EGLN1: variants seen among roughly 807,000 people sequenced by gnomAD.
EGLN1 encodes the protein egl-9 family hypoxia inducible factor 1.
In EGLN1, 17 loss-of-function variants were observed where a neutral mutation model predicts 38.3. The observed-to-expected ratio is 0.44, with a 90% confidence interval of 0.30 to 0.67. The LOEUF is 0.67. EGLN1 is among the 30% of genes least tolerant of loss of function. The pLI is 0.08. For missense variants in EGLN1, 477 were observed against 603.3 expected (o/e 0.79, Z 2.19); for synonymous variants, 283 against 257.5 (o/e 1.10, Z -0.95).
chr1:231,378,698 A>G (rs1688013814), intron 1 of EGLN1, among the ~76,000 whole-genome samples: 1 of 152,232 alleles, frequency 6.6e-6, no homozygotes, highest in Non-Finnish European at 1.5e-5. Flanking sequence ...ATCTAGAGAC[A>G]TTTATTTCTA....
At chr1:231,414,031 T>C (rs1320787670) in intron 1 of EGLN1, among the ~76,000 whole-genome samples, 1 of 152,188 alleles carries the variant, frequency 6.6e-6, no homozygotes. Flanking sequence ...AAATAAACTG[T>C]TGTAAGAGAA....
intron 1 of EGLN1, among the ~76,000 whole-genome samples, chr1:231,407,302 T>G (rs561719067): frequency 6.6e-6 from 1 of 152,268 alleles, no homozygotes; most frequent in East Asian, 1.9e-4. Flanking sequence ...GGTTTTCTCA[T>G]CATAAAAGAA....
At chr1:231,410,905 G>T (rs1287462619) in intron 1 of EGLN1, among the ~76,000 whole-genome samples, 1 of 151,754 alleles carries the variant, frequency 6.6e-6, no homozygotes, top group Non-Finnish European at 1.5e-5. Context: ...AATTTTCAAG[G>T]CATCCATTTC....
At chr1:231,411,958 A>C (rs1430311373) in intron 1 of EGLN1, among the ~76,000 whole-genome samples, 1 of 139,278 alleles carries the variant, frequency 7.2e-6, no homozygotes, top group Non-Finnish European at 1.5e-5. Flanking sequence ...GTTGCAGTGA[A>C]CCAAGACCAC....
At chr1:231,412,764 G>A (rs563290303) in intron 1 of EGLN1, among the ~76,000 whole-genome samples, 1 of 152,258 alleles carries the variant, frequency 6.6e-6, no homozygotes, top group East Asian at 1.9e-4. Flanking sequence ...TGCTTGGCTG[G>A]GAAGTAAGTG....
At chr1:231,403,376 A>G (rs1296898957) in intron 1 of EGLN1, among the ~76,000 whole-genome samples, 1 of 152,150 alleles carries the variant, frequency 6.6e-6, no homozygotes, top group Non-Finnish European at 1.5e-5. Flanking sequence ...TTTCATTTCT[A>G]TCAGATTTTG....
intron 1 of EGLN1, among the ~76,000 whole-genome samples, chr1:231,415,602 T>C (rs1689059488): frequency 6.6e-6 from 1 of 152,116 alleles, no homozygotes; most frequent in Non-Finnish European, 1.5e-5. Flanking sequence ...ATTTTTTAAA[T>C]GGGAGAAGTA....
At chr1:231,401,636 C>G (rs921567413) in intron 1 of EGLN1, among the ~76,000 whole-genome samples, 1 of 152,156 alleles carries the variant, frequency 6.6e-6, no homozygotes, top group Non-Finnish European at 1.5e-5. Context: ...TGAGATTCAT[C>G]TGAAGTTGCT....
rs767020788 is a variant in EGLN1 at position 231,366,413 on chromosome 1, A to C, written c.1279T>G (p.Ter427GluextTer3). Residue 427 changes from the stop codon to glutamate, a stop_lost, in exon 5 of 5, where the codon TAG becomes GAG. Coordinates refer to ENST00000366641, the MANE Select transcript of EGLN1 (RefSeq NM_022051.3). ...GGGGTATTGCTGGATCAAAGGCTCT[A>C]GAAGACGTCTTTACCGACCGAATCT... ...PSDSVGKDVF* is the reference protein window; with the variant it reads ...PSDSVGKDVFE 15 of 1,613,938 alleles carry C rather than the reference A, an allele frequency of 9.3e-6. No individual in the cohort carries two copies. The South Asian group carries it at 1.5e-4, about 17-fold the overall frequency.
chr1:231,420,356 A>C (rs1309697312), intron 1 of EGLN1: 1 of 154,808 alleles, frequency 6.5e-6, no homozygotes, highest in African/African-American at 2.4e-5. Flanking sequence ...AGACGGAAAT[A>C]CTTCTTTCCC....
At chr1:231,396,826 G>A (rs780734304) in intron 1 of EGLN1, among the ~76,000 whole-genome samples, 16 of 152,000 alleles carry the variant, frequency 1.1e-4, no homozygotes, top group Non-Finnish European at 1.8e-4. Flanking sequence ...GTCTCCCTAC[G>A]GAAACTTAGA....
At chr1:231,410,808 G>T (rs920697009) in intron 1 of EGLN1, among the ~76,000 whole-genome samples, 1 of 136,500 alleles carries the variant, frequency 7.3e-6, no homozygotes, top group African/African-American at 2.7e-5. Context: ...TTAAAGGTGG[G>T]GTGGTTAATA....
At chr1:231,374,662 C>T (rs1450742075) in intron 1 of EGLN1, among the ~76,000 whole-genome samples, 1 of 152,062 alleles carries the variant, frequency 6.6e-6, no homozygotes, top group Non-Finnish European at 1.5e-5. Flanking sequence ...GGACTATAAG[C>T]ACGTGTCACC....
chr1:231,386,681 C>T (rs2102910187), intron 1 of EGLN1, among the ~76,000 whole-genome samples: 1 of 152,238 alleles, frequency 6.6e-6, no homozygotes, highest in South Asian at 2.1e-4. Context: ...GTGCCAAACA[C>T]AGGCACTCAA....
intron 1 of EGLN1, among the ~76,000 whole-genome samples, chr1:231,380,809 T>C (rs1688064123): frequency 6.6e-6 from 1 of 152,206 alleles, no homozygotes; most frequent in African/African-American, 2.4e-5. Flanking sequence ...TTTAATTACA[T>C]CTTATATTTT....
chr1:231,367,286 T>C (rs1687675037), intron 4 of EGLN1, among the ~76,000 whole-genome samples: 1 of 152,202 alleles, frequency 6.6e-6, no homozygotes, highest in African/African-American at 2.4e-5. Flanking sequence ...TAAGTGGCCT[T>C]TGACTGAAAA....
At chr1:231,386,815 A>T (rs1012693359) in intron 1 of EGLN1, among the ~76,000 whole-genome samples, 3 of 152,228 alleles carry the variant, frequency 2.0e-5, no homozygotes, top group Non-Finnish European at 2.9e-5. Flanking sequence ...GGGTTTTACC[A>T]TCCATTGCTA....
At chr1:231,410,526 A>G (rs1688910556) in intron 1 of EGLN1, among the ~76,000 whole-genome samples, 1 of 152,182 alleles carries the variant, frequency 6.6e-6, no homozygotes, top group Non-Finnish European at 1.5e-5. Flanking sequence ...AGTATGACAT[A>G]ACAAATGTGT....
At chr1:231,398,609 C>T (rs1208974565) in intron 1 of EGLN1, among the ~76,000 whole-genome samples, 1 of 152,220 alleles carries the variant, frequency 6.6e-6, no homozygotes, top group Non-Finnish European at 1.5e-5. Flanking sequence ...AAACTATCTA[C>T]TATTTGACTC....
Sources: allele counts gnomAD v4.1 joint callset (sites outside exome capture counted in the v4.1 genomes callset), GRCh38; gene constraint gnomAD v4.1.1; transcripts MANE v1.5; gene names NCBI Gene and HGNC (gene_info 2026-07-23, HGNC 2026-07-21).